Variants in CLINT1 observed in about 807,000 individuals in gnomAD.
The protein encoded by CLINT1 is clathrin interacting protein localized in the trans-Golgi region.
Under a neutral mutation model 70.4 loss-of-function variants are expected in CLINT1, and 15 were observed. The ratio of observed to expected loss-of-function variants is 0.21; its 90% CI spans 0.14 to 0.33. CLINT1 has a LOEUF of 0.33. Ranked by LOEUF, CLINT1 falls within the 10% of genes least tolerant of loss-of-function variation. CLINT1 has a pLI of 1.00. For missense variants in CLINT1, 615 were observed against 778.1 expected, an observed-to-expected ratio of 0.79 and a Z score of 2.49; for synonymous variants, 227 against 254.7, an observed-to-expected ratio of 0.89 and a Z score of 1.04.
Position 157,830,852 on chromosome 5 carries a change from T to A in CLINT1, c.42-13305A>T, listed in dbSNP as rs375454993. Among the ~76,000 whole-genome samples the A allele has an allele frequency of 6.0e-4, 88 of 145,880 alleles. No individual in the cohort carries two copies. In the East Asian group the frequency reaches 0.018, roughly 29 times the overall value. On this transcript the variant is annotated intron_variant, in intron 1 of 11. Transcript: ENST00000411809. ...TAAGCCTGGGCAACAGAGTGAGACC[T>A]CCATCTCTACAAAAGATTTCTAAAA...
intron 1 of CLINT1, among the ~76,000 whole-genome samples, chr5:157,844,014 T>A (rs1330999750): frequency 6.6e-6 from 1 of 152,130 alleles, no homozygotes; most frequent in Non-Finnish European, 1.5e-5. Flanking sequence ...AAATCCTATA[T>A]CTCAACAGTG....
In CLINT1 at chr5:157,791,788, G is replaced by A; in HGVS notation, c.1295C>T (p.Ala432Val). ...CATACTCTGGGAAGATGTCATGGTT[G>A]CCTGGGACGAGCCCATAAGATCAAA... ...DLFDLMGSSQ[A>V]TMTSSQSMNF... Residue 432 changes from alanine to valine, a missense_variant, in exon 10 of 12, where the codon GCA becomes GTA. By Grantham distance (64) the Ala-to-Val change is moderately conservative. Transcript: ENST00000411809. The A allele has an allele frequency of 1.2e-6, 2 of 1,613,984 alleles. No homozygotes were observed. Among genetic ancestry groups the A allele is most frequent in the Non-Finnish European group, 1.7e-6 (2 of 1,179,870 alleles).
intron 10 of CLINT1, chr5:157,790,567 T>C: frequency 2.3e-6 from 1 of 438,894 alleles, no homozygotes; most frequent in Non-Finnish European, 4.5e-6. Context: ...AACTCATACA[T>C]TAGGTCTTAT....
intron 1 of CLINT1, among the ~76,000 whole-genome samples, chr5:157,845,525 A>T (rs1035274528): frequency 5.2e-4 from 79 of 151,046 alleles, no homozygotes; most frequent in African/African-American, 1.9e-3. Context: ...TTTAAGGTTT[A>T]TGGCAACCTT....
chr5:157,826,964 A>G lies in CLINT1; in HGVS notation c.42-9417T>C, dbSNP rs150808126. ...TGCAAACTGTACATTTAGGAAATAC[A>G]TGGTAACTTGCTTACAGAAGAGTTT... On this transcript the variant is annotated intron_variant, in intron 1 of 11. Coordinates refer to ENST00000411809, the MANE Select transcript of CLINT1 (RefSeq NM_014666.4). Among the ~76,000 whole-genome samples, 843 of 152,328 alleles carry G rather than the reference A, an allele frequency of 5.5e-3. 8 individuals carry two copies. The highest frequency in any genetic ancestry group is 8.6e-3 in the Admixed American group (132 of 15,298).
At chr5:157,837,649 C>CTT (rs202044066) in intron 1 of CLINT1, among the ~76,000 whole-genome samples, 10,946 of 138,476 alleles carry the variant, frequency 0.079, 765 homozygotes, top group Non-Finnish European at 0.11. Flanking sequence ...AGCTCTTTTA[C>CTT]TTTTTTTTTT....
chr5:157,814,913 A>G (rs756349733), intron 3 of CLINT1, among the ~76,000 whole-genome samples: 26 of 151,850 alleles, frequency 1.7e-4, no homozygotes, highest in Non-Finnish European at 2.9e-4. Context: ...CACGCCTGTA[A>G]TCTCAGCTAC....
At chr5:157,841,226 A>T (rs1753164236) in intron 1 of CLINT1, among the ~76,000 whole-genome samples, 1 of 152,060 alleles carries the variant, frequency 6.6e-6, no homozygotes, top group African/African-American at 2.4e-5. Context: ...TGATGGTGTC[A>T]CTGTAATCCA....
chr5:157,789,889 G>A, intron 10 of CLINT1: 1 of 261,648 alleles, frequency 3.8e-6, no homozygotes. Flanking sequence ...TACACAAGTG[G>A]ACATTTATTC....
intron 1 of CLINT1, among the ~76,000 whole-genome samples, chr5:157,847,552 T>C (rs1390704352): frequency 6.6e-6 from 1 of 151,912 alleles, no homozygotes; most frequent in African/African-American, 2.4e-5. Flanking sequence ...AATATCAACA[T>C]TTACAGGAGT....
In CLINT1 at chr5:157,847,095, AT is replaced by A. The variant is rs200534032; in HGVS notation, c.41+11834del. On this transcript the variant is annotated intron_variant, in intron 1 of 11. Transcript: ENST00000411809. ...GTCATTTAGACTTTCAAGTCTTATT[AT>A]TTAAGAAAATACATTCCATAAGGCT... Among the ~76,000 whole-genome samples, 1,375 of 152,308 alleles carry A rather than the reference AT, an allele frequency of 9.0e-3. 110 individuals carry two copies. Among genetic ancestry groups the A allele is most frequent in the Admixed American group, 0.082 (1,257 of 15,288 alleles).
intron 1 of CLINT1, among the ~76,000 whole-genome samples, chr5:157,844,498 A>T (rs1205253186): frequency 5.9e-5 from 9 of 152,210 alleles, no homozygotes. Flanking sequence ...CTATTTAATA[A>T]GCACTCAGTG....
At chr5:157,806,195 T>C in intron 6 of CLINT1, 83 bp from the exon 7 acceptor site, 1 of 1,384,606 alleles carries the variant, frequency 7.2e-7, no homozygotes, top group South Asian at 1.4e-5. Context: ...CTAAAGAATT[T>C]CAAATACAGT....
chr5:157,809,892 C>A, intron 5 of CLINT1, 87 bp from the exon 6 acceptor site: 1 of 1,293,944 alleles, frequency 7.7e-7, no homozygotes, highest in Non-Finnish European at 1.1e-6. Flanking sequence ...GGCTTTTCCT[C>A]ATAATAAAAT....
At chr5:157,827,924 T>C (rs1763090045) in intron 1 of CLINT1, among the ~76,000 whole-genome samples, 1 of 152,216 alleles carries the variant, frequency 6.6e-6, no homozygotes, top group Non-Finnish European at 1.5e-5. Flanking sequence ...AGTTGATCAA[T>C]AATTTTTTAG....
At chr5:157,804,737 C>T (rs1379989620) in intron 7 of CLINT1, among the ~76,000 whole-genome samples, 1 of 151,996 alleles carries the variant, frequency 6.6e-6, no homozygotes, top group Non-Finnish European at 1.5e-5. Context: ...CTAGCCTGAC[C>T]AACATGGAGA....
At position 157,787,890 on chromosome 5, in the gene CLINT1, A is replaced by G. The variant is rs1761776769; in HGVS notation, c.1634T>C (p.Ile545Thr). The G allele has an allele frequency of 1.9e-6, 3 of 1,613,826 alleles. No homozygotes were observed. The highest frequency in any genetic ancestry group is 1.1e-5 in the South Asian group (1 of 91,066). Reference protein sequence around the residue: ...LPVRPQTNALIGGPMPMSMPN... With the variant: ...LPVRPQTNALTGGPMPMSMPN... ...CATGCTCATAGGCATGGGTCCCCCT[A>G]TCAAAGCATTAGTTTGGGGCCGGAC... is the stretch of plus-strand genomic sequence containing the variant. Residue 545 changes from isoleucine to threonine, a missense_variant, in exon 12 of 12, where the codon ATA (isoleucine) becomes ACA (threonine). By Grantham distance (89) the Ile-to-Thr change is moderately conservative. This residue lies in a region of CLINT1 where 374 missense variants were observed against 409.6 expected (regional missense o/e 0.91). Coordinates refer to ENST00000411809, the MANE Select transcript of CLINT1 (RefSeq NM_014666.4).
chr5:157,808,719 A>G (rs1255471619), intron 6 of CLINT1, among the ~76,000 whole-genome samples: 2 of 152,162 alleles, frequency 1.3e-5, no homozygotes, highest in Admixed American at 6.5e-5. Context: ...CAGAAAATGT[A>G]GTTTATAAAA....
intron 1 of CLINT1, among the ~76,000 whole-genome samples, chr5:157,836,957 C>T (rs1187552494): frequency 2.6e-5 from 4 of 152,198 alleles, no homozygotes; most frequent in African/African-American, 7.2e-5. Context: ...CAAGTACCTA[C>T]AAGAGTTGCA....
Sources: allele counts gnomAD v4.1 joint callset (sites outside exome capture counted in the v4.1 genomes callset), GRCh38; gene constraint gnomAD v4.1.1; regional missense constraint gnomAD v4.1.1; transcripts MANE v1.5; gene names NCBI Gene and HGNC (gene_info 2026-07-23, HGNC 2026-07-21).